The following LRRTM4 variants were observed in gnomAD, a reference collection of about 807,000 sequenced individuals.
The protein encoded by LRRTM4 is leucine rich repeat transmembrane neuronal 4, also known as leucine-rich repeat transmembrane neuronal protein 4.
Under a neutral mutation model 47.6 loss-of-function variants are expected in LRRTM4, and 25 were observed. That is an observed-to-expected ratio of 0.53 (90% CI 0.38 to 0.73). The LOEUF is 0.73. Ranked by LOEUF, LRRTM4 falls within the 30% of genes least tolerant of loss-of-function variation. The probability of loss-of-function intolerance (pLI) is 0.00; values close to 1 mark genes in which losing one functional copy is unlikely to be tolerated. For synonymous variants in LRRTM4, 311 were observed against 269.5 expected, an observed-to-expected ratio of 1.15 and a Z score of -1.51; for missense variants, 638 against 713.4, an observed-to-expected ratio of 0.89 and a Z score of 1.20.
At chr2:77,077,992 G>C (rs1161917453) in intron 3 of LRRTM4, among the ~76,000 whole-genome samples, 1 of 152,122 alleles carries the variant, frequency 6.6e-6, no homozygotes, top group Non-Finnish European at 1.5e-5. Context: ...TTTTCATCAG[G>C]TGTTTGAATC....
intron 3 of LRRTM4, among the ~76,000 whole-genome samples, chr2:77,157,367 A>T (rs1672588012): frequency 6.6e-6 from 1 of 152,198 alleles, no homozygotes; most frequent in African/African-American, 2.4e-5. Context: ...AGCTCAGTAG[A>T]ATATGGACAT....
chr2:77,393,759 A>T (rs1019515432), intron 3 of LRRTM4, among the ~76,000 whole-genome samples: 2 of 151,916 alleles, frequency 1.3e-5, no homozygotes, highest in Non-Finnish European at 2.9e-5. Context: ...AGTCTAAATA[A>T]AGGAGGTGGA....
intron 3 of LRRTM4, among the ~76,000 whole-genome samples, chr2:77,227,099 T>C (rs1425677003): frequency 6.6e-6 from 1 of 152,064 alleles, no homozygotes; most frequent in African/African-American, 2.4e-5. Flanking sequence ...TAGTTTGCAA[T>C]GGTAGTTGTT....
chr2:77,217,416 G>T (rs1186235878), intron 3 of LRRTM4, among the ~76,000 whole-genome samples: 1 of 83,506 alleles, frequency 1.2e-5, no homozygotes, highest in Non-Finnish European at 2.1e-5. Flanking sequence ...ATTAATTAAT[G>T]ATTTGGGCTA....
chr2:76,919,768 A>G (rs1407079235), intron 3 of LRRTM4, among the ~76,000 whole-genome samples: 1 of 152,160 alleles, frequency 6.6e-6, no homozygotes, highest in Non-Finnish European at 1.5e-5. Flanking sequence ...ACAGCATCCA[A>G]TGCACATTAT....
chr2:77,001,525 A>G (rs1677427647), intron 3 of LRRTM4, among the ~76,000 whole-genome samples: 1 of 152,114 alleles, frequency 6.6e-6, no homozygotes, highest in Admixed American at 6.6e-5. Flanking sequence ...TCTCATTAAT[A>G]CTTCTTTATG....
At chr2:77,293,190 T>C (rs1383701865) in intron 3 of LRRTM4, among the ~76,000 whole-genome samples, 1 of 152,090 alleles carries the variant, frequency 6.6e-6, no homozygotes, top group African/African-American at 2.4e-5. Context: ...AACTAAGGAC[T>C]TTTCACAAGG....
intron 3 of LRRTM4, among the ~76,000 whole-genome samples, chr2:76,869,484 T>C (rs1228045711): frequency 6.6e-6 from 1 of 152,178 alleles, no homozygotes; most frequent in African/African-American, 2.4e-5. Context: ...AGAAGTCTTA[T>C]GGGACATTGT....
intron 3 of LRRTM4, among the ~76,000 whole-genome samples, chr2:77,416,969 G>A (rs1445942003): frequency 1.3e-5 from 2 of 151,966 alleles, no homozygotes; most frequent in Non-Finnish European, 2.9e-5. Context: ...CTACAGAATG[G>A]GGGAAAATTT....
Position 76,776,362 on chromosome 2 carries a change from A to C in LRRTM4, c.1552-27446T>G, listed in dbSNP as rs7425534. The stretch of plus-strand genomic sequence containing the variant: ...ACTTCCACAATGGTTGAACTAGTTT[A>C]CAGTCCCACCAACAGTGTAAAAGTG... On this transcript the variant is annotated intron_variant, in intron 3 of 3. Coordinates refer to ENST00000409884, the MANE Select transcript of LRRTM4 (RefSeq NM_001134745.3). Among the ~76,000 whole-genome samples, 1,521 of 152,254 alleles carry C rather than the reference A, an allele frequency of 1.0e-2. 33 individuals are homozygous for C. The highest frequency in any genetic ancestry group is 0.083 in the East Asian group (429 of 5,148).
At chr2:77,176,400 G>C (rs1323419530) in intron 3 of LRRTM4, among the ~76,000 whole-genome samples, 1 of 152,142 alleles carries the variant, frequency 6.6e-6, no homozygotes. Context: ...ACGACTTATA[G>C]TCTAAAACTA....
chr2:77,179,492 A>T (rs1673291765), intron 3 of LRRTM4, among the ~76,000 whole-genome samples: 1 of 152,110 alleles, frequency 6.6e-6, no homozygotes, highest in South Asian at 2.1e-4. Flanking sequence ...TGTTCAGTTG[A>T]CTGACAGGCA....
intron 3 of LRRTM4, among the ~76,000 whole-genome samples, chr2:77,227,102 T>C (rs1198261041): frequency 6.6e-6 from 1 of 152,066 alleles, no homozygotes; most frequent in Non-Finnish European, 1.5e-5. Flanking sequence ...TTTGCAATGG[T>C]AGTTGTTGCT....
At chr2:76,890,870 GT>G (rs1452996154) in intron 3 of LRRTM4, among the ~76,000 whole-genome samples, 1 of 151,868 alleles carries the variant, frequency 6.6e-6, no homozygotes, top group African/African-American at 2.4e-5. Context: ...GACAGAGATG[GT>G]TTAGGAATAA....
intron 3 of LRRTM4, among the ~76,000 whole-genome samples, chr2:76,870,723 C>A (rs536625597): frequency 6.6e-6 from 1 of 152,202 alleles, no homozygotes; most frequent in East Asian, 1.9e-4. Context: ...GAAAAAGTCA[C>A]AAAAATTCAC....
chr2:77,130,385 G>C (rs1325070023), intron 3 of LRRTM4, among the ~76,000 whole-genome samples: 1 of 151,912 alleles, frequency 6.6e-6, no homozygotes, highest in Non-Finnish European at 1.5e-5. Context: ...TAAGGGTGTG[G>C]CAGACAGCTT....
intron 3 of LRRTM4, chr2:77,009,121 A>G (rs1677774818): frequency 6.6e-6 from 1 of 152,064 alleles, no homozygotes; most frequent in South Asian, 2.1e-4. Context: ...AAGTTTGTCA[A>G]AATCACTCTG....
intron 3 of LRRTM4, among the ~76,000 whole-genome samples, chr2:77,397,271 A>G (rs1199326273): frequency 6.6e-6 from 1 of 151,892 alleles, no homozygotes; most frequent in East Asian, 1.9e-4. Flanking sequence ...TTTTCTGATT[A>G]CATATTTCAT....
At chr2:77,392,537 G>T (rs141108053) in intron 3 of LRRTM4, among the ~76,000 whole-genome samples, 1 of 152,130 alleles carries the variant, frequency 6.6e-6, no homozygotes, top group East Asian at 1.9e-4. Context: ...CCTTACAAAA[G>T]AAGCCAGACA....
Sources: allele counts gnomAD v4.1 joint callset (sites outside exome capture counted in the v4.1 genomes callset), GRCh38; gene constraint gnomAD v4.1.1; transcripts MANE v1.5; gene names NCBI Gene and HGNC (gene_info 2026-07-23, HGNC 2026-07-21).